Variants in XRRA1 observed in about 807,000 individuals in gnomAD.
XRRA1 encodes X-ray radiation resistance associated 1, also known as X-ray radiation resistance-associated protein 1.
A neutral mutation model predicts 80.2 loss-of-function variants in XRRA1; 69 were observed. The observed-to-expected ratio is 0.86, with a 90% confidence interval of 0.71 to 1.05. The LOEUF (loss-of-function observed/expected upper bound fraction) is 1.05, where lower values mean the gene tolerates loss of function less well. XRRA1 is among the 50% of genes least tolerant of loss of function. The probability of loss-of-function intolerance (pLI) is 0.00; values close to 1 mark genes in which losing one functional copy is unlikely to be tolerated. For missense variants in XRRA1, 967 were observed against 976.4 expected (o/e 0.99, Z 0.13); for synonymous variants, 348 against 389.9 (o/e 0.89, Z 1.27).
chr11:74,852,139 G>C (rs1856827613), intron 12 of XRRA1, 57 bp from the exon 13 acceptor site: 1 of 1,422,494 alleles, frequency 7.0e-7, no homozygotes, highest in Admixed American at 1.7e-5. Flanking sequence ...CTCTACCCAG[G>C]TATGTCTAGG....
intron 5 of XRRA1, among the ~76,000 whole-genome samples, chr11:74,930,904 G>A (rs1412033459): frequency 6.6e-6 from 1 of 151,828 alleles, no homozygotes; most frequent in South Asian, 2.1e-4. Flanking sequence ...TCCCCAGCTC[G>A]GGTGATCCTT....
chr11:74,927,596 A>G lies in XRRA1; in HGVS notation c.425-108T>C. On this transcript the variant is annotated intron_variant, in intron 6 of 18. Transcript: ENST00000684022. Reference sequence around the variant, plus strand: ...CCTACTGGGTTAGGCCAGGCACTGTATAAGGTACTTTACATACATGGCCTC... The same window carrying G: ...CCTACTGGGTTAGGCCAGGCACTGTGTAAGGTACTTTACATACATGGCCTC... 5 of 687,010 alleles carry G rather than the reference A, an allele frequency of 7.3e-6. No homozygotes were observed. The South Asian group carries it at 9.3e-5, about 13-fold the overall frequency. The allele number at this position is 687,010 out of a possible 1,614,324, so 42.6% of individuals were successfully genotyped here.
chr11:74,890,174 A>T (rs1488101622), intron 10 of XRRA1, among the ~76,000 whole-genome samples: 3 of 152,246 alleles, frequency 2.0e-5, no homozygotes, highest in Admixed American at 1.3e-4. Context: ...CAGCAAATGT[A>T]AAAGAACAGA....
At chr11:74,916,627 TTATC>T (rs56743044) in intron 8 of XRRA1, among the ~76,000 whole-genome samples, 3,455 of 152,282 alleles carry the variant, frequency 0.023, 145 homozygotes, top group African/African-American at 0.079. Flanking sequence ...TTTAAAGTCT[TTATC>T]TAGTAAGTAC....
intron 2 of XRRA1, among the ~76,000 whole-genome samples, chr11:74,942,707 C>T (rs187272877): frequency 6.6e-6 from 1 of 152,330 alleles, no homozygotes; most frequent in African/African-American, 2.4e-5. Context: ...TATGCCTTGG[C>T]TTTTTCCTCA....
chr11:74,924,703 C>A (rs1388649409), intron 7 of XRRA1, among the ~76,000 whole-genome samples: 1 of 150,894 alleles, frequency 6.6e-6, no homozygotes, highest in African/African-American at 2.4e-5. Context: ...TGTGGTGGTG[C>A]ACACTCATAG....
rs1263771189 is a variant in XRRA1, at chr11:74,889,510, A to T, written c.1003+16729T>A. Among the ~76,000 whole-genome samples, 3 of 152,216 alleles carry T rather than the reference A, an allele frequency of 2.0e-5. No individual in the cohort carries two copies. In the East Asian group the frequency reaches 5.8e-4, roughly 29 times the overall value. ...ACTGCATCAACTAACGAGCAAAATA[A>T]CCAGCTAACATCATAATGACAGGAT... On this transcript the variant is annotated intron_variant, in intron 10 of 18. Coordinates refer to ENST00000684022, the MANE Select transcript of XRRA1 (RefSeq NM_001378157.1).
intron 6 of XRRA1, 36 bp downstream of exon 6, chr11:74,930,264 A>C: frequency 6.7e-7 from 1 of 1,490,298 alleles, no homozygotes; most frequent in Non-Finnish European, 9.2e-7. Flanking sequence ...GCTGGCTAAG[A>C]GGAGGAAGAG....
In XRRA1 at chr11:74,848,194, C is replaced by T. The variant is rs557894331; in HGVS notation, c.1649G>A (p.Ser550Asn). Residue 550 changes from serine to asparagine, a missense_variant, in exon 15 of 19, where the codon AGT (serine) becomes AAT (asparagine). Coordinates refer to ENST00000684022, the MANE Select transcript of XRRA1 (RefSeq NM_001378157.1). ...TGGGCTGAGGCGGACAGTTGTGTCA[C>T]TCAGGTGGGACAGGGTCTCTTCACT... is the stretch of plus-strand genomic sequence containing the variant. ...VHSEETLSHLSDTTVRLSPER... is the reference protein window; with the variant it reads ...VHSEETLSHLNDTTVRLSPER... 5 of 1,613,742 alleles carry T rather than the reference C, an allele frequency of 3.1e-6. No individual in the cohort carries two copies. Among genetic ancestry groups the T allele is most frequent in the Non-Finnish European group, 4.2e-6 (5 of 1,179,892 alleles).
At chr11:74,879,702 T>A (rs1046326250) in intron 10 of XRRA1, among the ~76,000 whole-genome samples, 25 of 151,080 alleles carry the variant, frequency 1.7e-4, no homozygotes, top group Middle Eastern at 3.4e-3. Flanking sequence ...CAAAGGCTTT[T>A]TCTGCATCTG....
chr11:74,841,588 T>G lies in XRRA1; in HGVS notation c.*1612A>C, dbSNP rs961413568. The G allele has an allele frequency of 6.6e-6, 1 of 152,226 alleles. No individual in the cohort carries two copies. The highest frequency in any genetic ancestry group is 1.5e-5 in the Non-Finnish European group (1 of 68,048). The allele number at this position is 152,226 out of a possible 1,614,324, so 9.4% of individuals were successfully genotyped here. On this transcript the variant is annotated 3_prime_UTR_variant, in exon 19 of 19. Transcript: ENST00000684022. ...TGAGTAAATGCCTCCTTAATGCCTT[T>G]TAAGTAAGGTGGCAACTTTTAACTG...
intron 7 of XRRA1, among the ~76,000 whole-genome samples, chr11:74,922,256 C>CAAAAAAAAAAAAAAAAAA (rs398016677): frequency 1.4e-5 from 1 of 69,678 alleles, no homozygotes; most frequent in African/African-American, 6.5e-5. Flanking sequence ...GACTCTGCCT[C>CAAAAAAAAAAAAAAAAAA]AAAAAAAAAA....
intron 10 of XRRA1, among the ~76,000 whole-genome samples, chr11:74,878,840 A>G (rs1158070945): frequency 3.3e-5 from 5 of 151,922 alleles, no homozygotes; most frequent in East Asian, 1.9e-4. Context: ...TTTTGGTACC[A>G]GTACCATGCT....
rs1172131287 is a variant in XRRA1 at position 74,842,835 on chromosome 11, TG to T, written c.*364del. 1 of 230,232 alleles carries T rather than the reference TG, an allele frequency of 4.3e-6. No individual in the cohort carries two copies. The highest frequency in any genetic ancestry group is 8.5e-6 in the Non-Finnish European group (1 of 117,734). 14.3% of individuals were successfully genotyped at this position (230,232 alleles called of 1,614,324 possible). A position where few individuals can be genotyped will look rare whatever the true frequency, so the allele number is the denominator to read the frequency against. ...CAGGAATTTGTTAAGATCCCCTTGG[TG>T]TCAGTTTCTCATACAACAGAGAACA... On this transcript the variant is annotated 3_prime_UTR_variant, in exon 19 of 19. Transcript: ENST00000684022.
intron 10 of XRRA1, among the ~76,000 whole-genome samples, chr11:74,865,501 T>G (rs1034328305): frequency 6.6e-6 from 1 of 152,094 alleles, no homozygotes; most frequent in Non-Finnish European, 1.5e-5. Context: ...CAGGCAGATG[T>G]GTGCCTGTCT....
intron 10 of XRRA1, among the ~76,000 whole-genome samples, chr11:74,871,480 A>T (rs2044755949): frequency 6.6e-6 from 1 of 152,228 alleles, no homozygotes; most frequent in Admixed American, 6.5e-5. Context: ...GCACAAGGGC[A>T]TGGCCTTCTT....
At chr11:74,903,246 A>C (rs1028824593) in intron 10 of XRRA1, among the ~76,000 whole-genome samples, 2 of 152,204 alleles carry the variant, frequency 1.3e-5, no homozygotes, top group Non-Finnish European at 1.5e-5. Flanking sequence ...TACTCCAGGA[A>C]AACCCTGGCA....
At chr11:74,924,431 G>A (rs1407559684) in intron 7 of XRRA1, among the ~76,000 whole-genome samples, 6 of 149,328 alleles carry the variant, frequency 4.0e-5, no homozygotes, top group Admixed American at 6.6e-5. Context: ...TCGAGATCGC[G>A]CCACTGCACT....
intron 8 of XRRA1, among the ~76,000 whole-genome samples, chr11:74,920,443 T>C (rs1940378989): frequency 6.6e-6 from 1 of 152,224 alleles, no homozygotes; most frequent in South Asian, 2.1e-4. Flanking sequence ...TTAAATTAAC[T>C]GTGGAAACAC....
Sources: allele counts gnomAD v4.1 joint callset (sites outside exome capture counted in the v4.1 genomes callset), GRCh38; gene constraint gnomAD v4.1.1; transcripts MANE v1.5; gene names NCBI Gene and HGNC (gene_info 2026-07-23, HGNC 2026-07-21).